The following RBMS3 variants were observed in gnomAD, a reference collection of about 807,000 sequenced individuals.
RBMS3 encodes RNA binding motif single stranded interacting protein 3, also known as RNA-binding motif, single-stranded-interacting protein 3.
In RBMS3, 27 loss-of-function variants were observed where a neutral mutation model predicts 66.8. The observed-to-expected ratio is 0.40, with a 90% CI of 0.30 to 0.56. The LOEUF (loss-of-function observed/expected upper bound fraction) is 0.56. RBMS3 is among the 20% of genes least tolerant of loss of function. The probability of loss-of-function intolerance (pLI) is 0.40; values close to 1 mark genes in which losing one functional copy is unlikely to be tolerated. For missense variants in RBMS3, 513 were observed against 549.5 expected (o/e 0.93, Z 0.66); for synonymous variants, 188 against 183.0 (o/e 1.03, Z -0.22).
At chr3:29,941,514 G>A (rs997057357) in intron 11 of RBMS3, among the ~76,000 whole-genome samples, 2 of 151,516 alleles carry the variant, frequency 1.3e-5, no homozygotes, top group East Asian at 3.9e-4. Context: ...TATCTAAAAA[G>A]GTAATAGTTT....
intron 1 of RBMS3, among the ~76,000 whole-genome samples, chr3:29,293,208 G>A (rs926782080): frequency 6.6e-6 from 1 of 151,752 alleles, no homozygotes; most frequent in Non-Finnish European, 1.5e-5. Context: ...TTGATTTTCT[G>A]TATCTAACAT....
chr3:29,545,601 A>G (rs2045922533), intron 3 of RBMS3, among the ~76,000 whole-genome samples: 1 of 152,222 alleles, frequency 6.6e-6, no homozygotes, highest in Non-Finnish European at 1.5e-5. Context: ...GACACAAATT[A>G]TTCAAAAAAG....
At chr3:29,544,904 A>G (rs1380460727) in intron 3 of RBMS3, among the ~76,000 whole-genome samples, 1 of 152,198 alleles carries the variant, frequency 6.6e-6, no homozygotes, top group Non-Finnish European at 1.5e-5. Flanking sequence ...TAAAGGTGTT[A>G]GCTGGTTTAG....
intron 2 of RBMS3, among the ~76,000 whole-genome samples, chr3:29,475,801 A>C (rs1181936175): frequency 6.6e-6 from 1 of 152,164 alleles, no homozygotes; most frequent in Non-Finnish European, 1.5e-5. Context: ...GAGAGTACAG[A>C]AATCAGGTCA....
intron 3 of RBMS3, among the ~76,000 whole-genome samples, chr3:29,509,586 T>C (rs2044320774): frequency 6.6e-6 from 1 of 152,194 alleles, no homozygotes; most frequent in Admixed American, 6.5e-5. Context: ...CCCTCTTTTA[T>C]GCTGCCTGTG....
intron 2 of RBMS3, among the ~76,000 whole-genome samples, chr3:29,446,175 T>C (rs1404271802): frequency 1.3e-5 from 2 of 152,194 alleles, no homozygotes; most frequent in Non-Finnish European, 2.9e-5. Flanking sequence ...TGGGTTCTAA[T>C]TGACCACTTA....
intron 1 of RBMS3, among the ~76,000 whole-genome samples, chr3:29,434,334 G>A (rs957419534): frequency 3.3e-5 from 5 of 152,160 alleles, no homozygotes; most frequent in Admixed American, 6.5e-5. Flanking sequence ...GAGGGAACAA[G>A]GTAATAGAGG....
At chr3:29,607,947 A>G (rs968832357) in intron 4 of RBMS3, among the ~76,000 whole-genome samples, 2 of 152,092 alleles carry the variant, frequency 1.3e-5, no homozygotes, top group Admixed American at 6.6e-5. Context: ...TGCCTTTACT[A>G]TAGAATTTAT....
At chr3:29,701,812 GC>G (rs1435502839) in intron 4 of RBMS3, among the ~76,000 whole-genome samples, 3 of 151,412 alleles carry the variant, frequency 2.0e-5, no homozygotes, top group Admixed American at 1.3e-4. Context: ...TCCCAGCGGG[GC>G]AGGGCTTGGG....
intron 1 of RBMS3, among the ~76,000 whole-genome samples, chr3:29,324,871 C>G (rs1017229840): frequency 6.6e-6 from 1 of 151,968 alleles, no homozygotes; most frequent in African/African-American, 2.4e-5. Flanking sequence ...TCTCATTATT[C>G]CCTTTGTTTT....
At chr3:29,500,152 T>C (rs73828684) in intron 3 of RBMS3, among the ~76,000 whole-genome samples, 3,772 of 151,446 alleles carry the variant, frequency 0.025, 163 homozygotes, top group African/African-American at 0.087. Context: ...CACTGTGGCA[T>C]AAAATTTTCT....
intron 4 of RBMS3, among the ~76,000 whole-genome samples, chr3:29,654,117 T>C (rs1402814094): frequency 6.6e-6 from 1 of 152,206 alleles, no homozygotes; most frequent in Non-Finnish European, 1.5e-5. Context: ...ACTTCTGCCC[T>C]TTCTTTTTTA....
rs2058287245 is a variant in RBMS3 at position 29,829,005 on chromosome 3, TC to T, written c.638-39852del. Among the ~76,000 whole-genome samples, 68 of 45,440 alleles carry T rather than the reference TC, an allele frequency of 1.5e-3. 1 individual carries two copies. Among genetic ancestry groups the T allele is most frequent in the African/African-American group, 5.8e-3 (62 of 10,756 alleles). 29.8% of individuals were successfully genotyped at this position (45,440 alleles called of 152,430 possible). ...TTCTTTCTTTCTTTCTTTCTTTCTT[TC>T]TTTCTTTCTTTCTTTCTTTCTTTCT... On this transcript the variant is annotated intron_variant, in intron 6 of 14. Coordinates refer to ENST00000383767, the MANE Select transcript of RBMS3 (RefSeq NM_001003793.3).
intron 4 of RBMS3, among the ~76,000 whole-genome samples, chr3:29,722,854 C>G (rs980144564): frequency 6.6e-6 from 1 of 152,110 alleles, no homozygotes. Flanking sequence ...GCTGATACTA[C>G]TTTGATCACT....
intron 10 of RBMS3, among the ~76,000 whole-genome samples, chr3:29,900,229 G>C (rs2060220480): frequency 6.6e-6 from 1 of 151,726 alleles, no homozygotes; most frequent in Non-Finnish European, 1.5e-5. Context: ...TCATAGACAA[G>C]TTTTGACTTG....
intron 1 of RBMS3, among the ~76,000 whole-genome samples, chr3:29,345,710 G>A (rs535825607): frequency 6.6e-6 from 1 of 152,296 alleles, no homozygotes; most frequent in South Asian, 2.1e-4. Context: ...TTATGTGTGG[G>A]TCTGATGTTT....
chr3:29,547,098 T>C (rs1269598289), intron 3 of RBMS3, among the ~76,000 whole-genome samples: 1 of 152,018 alleles, frequency 6.6e-6, no homozygotes, highest in Non-Finnish European at 1.5e-5. Context: ...ATCTCAGCCT[T>C]TCAAGTAGCT....
intron 6 of RBMS3, among the ~76,000 whole-genome samples, chr3:29,779,413 G>A (rs1217647296): frequency 6.6e-6 from 1 of 151,444 alleles, no homozygotes; most frequent in Admixed American, 6.6e-5. Context: ...TTCTCCATCT[G>A]TATAGTATCC....
chr3:29,387,809 C>A (rs917552670), intron 1 of RBMS3, among the ~76,000 whole-genome samples: 4 of 152,042 alleles, frequency 2.6e-5, no homozygotes, highest in Admixed American at 6.5e-5. Flanking sequence ...CTGCTACAAA[C>A]CTTCCAAAAG....
Sources: gnomAD v4.1 joint callset for allele counts (sites outside exome capture counted in the v4.1 genomes callset) on GRCh38, gnomAD v4.1.1 for gene constraint, MANE v1.5 for transcripts, NCBI Gene and HGNC (gene_info 2026-07-23, HGNC 2026-07-21) for gene names.